The following GNG12 variants were observed in gnomAD, a reference collection of about 807,000 sequenced individuals.
GNG12 encodes the protein guanine nucleotide-binding protein G(I)/G(S)/G(O) subunit gamma-12.
For synonymous variants in GNG12, 28 were observed against 29.7 expected, an observed-to-expected ratio of 0.94 and a Z score of 0.19; for missense variants, 69 against 83.8, an observed-to-expected ratio of 0.82 and a Z score of 0.69.
intron 2 of GNG12, among the ~76,000 whole-genome samples, chr1:67,749,483 G>T (rs549250996): frequency 6.6e-6 from 1 of 152,328 alleles, no homozygotes; most frequent in Admixed American, 6.5e-5. Context: ...GAGGAGGAAT[G>T]TCATCCTTTC....
At chr1:67,779,166 G>A (rs1288301968) in intron 1 of GNG12, among the ~76,000 whole-genome samples, 2 of 152,126 alleles carry the variant, frequency 1.3e-5, no homozygotes, top group African/African-American at 4.8e-5. Context: ...GTCTCAGCAG[G>A]GGTAGGGAGT....
chr1:67,818,404 A>G (rs929039481), intron 1 of GNG12, among the ~76,000 whole-genome samples: 11 of 145,798 alleles, frequency 7.5e-5, no homozygotes, highest in African/African-American at 2.6e-4. Flanking sequence ...TCATGGGGAA[A>G]GACCAGGGGT....
At chr1:67,710,000 TTA>T (rs1175873397) in intron 2 of GNG12, among the ~76,000 whole-genome samples, 15 of 29,974 alleles carry the variant, frequency 5.0e-4, no homozygotes, top group African/African-American at 2.0e-3. Flanking sequence ...ATATATATAG[TTA>T]TATATATAGT....
chr1:67,726,051 G>A (rs1319122581), intron 2 of GNG12, among the ~76,000 whole-genome samples: 1 of 152,184 alleles, frequency 6.6e-6, no homozygotes, highest in Non-Finnish European at 1.5e-5. Context: ...AAGTGGAATG[G>A]AGTAGGAGGA....
At chr1:67,753,479 C>A (rs1460191642) in intron 2 of GNG12, among the ~76,000 whole-genome samples, 2 of 152,102 alleles carry the variant, frequency 1.3e-5, no homozygotes, top group Non-Finnish European at 2.9e-5. Context: ...ACAAGTCCTG[C>A]GACTGGAGGA....
rs769570783 is a variant in GNG12, at chr1:67,815,564, G to A, written c.-77+17780C>T. 2.6e-5 allele frequency among the ~76,000 whole-genome samples: 4 copies of A among 152,156 alleles called. No individual in the cohort carries two copies. In the East Asian group the frequency reaches 5.8e-4, roughly 22 times the overall value. On this transcript the variant is annotated intron_variant, in intron 1 of 3. Coordinates refer to ENST00000370982, the MANE Select transcript of GNG12 (RefSeq NM_018841.6). ...CTGTTACCCTGTGGGTTACTGTGTC[G>A]AAATGGAAGCGGTGACGTTCTTCCT...
chr1:67,750,524 A>T (rs929827269), intron 2 of GNG12, among the ~76,000 whole-genome samples: 36 of 152,190 alleles, frequency 2.4e-4, no homozygotes, highest in African/African-American at 8.4e-4. Flanking sequence ...TCACAGCGTA[A>T]TTCACCCAGC....
intron 1 of GNG12, among the ~76,000 whole-genome samples, chr1:67,828,542 A>G (rs376403032): frequency 2.1e-4 from 32 of 152,320 alleles, no homozygotes; most frequent in Admixed American, 5.2e-4. Context: ...GTATACGGGA[A>G]GAGTTTAGAA....
At chr1:67,825,257 G>C (rs1258469858) in intron 1 of GNG12, among the ~76,000 whole-genome samples, 1 of 152,192 alleles carries the variant, frequency 6.6e-6, no homozygotes, top group African/African-American at 2.4e-5. Flanking sequence ...GAGTATGTCT[G>C]AAGATAGCTG....
At chr1:67,785,601 A>G (rs1646763329) in intron 1 of GNG12, among the ~76,000 whole-genome samples, 1 of 152,200 alleles carries the variant, frequency 6.6e-6, no homozygotes, top group African/African-American at 2.4e-5. Flanking sequence ...GATGTTTTAC[A>G]GAGATATGGG....
At chr1:67,818,748 T>A (rs1269701467) in intron 1 of GNG12, among the ~76,000 whole-genome samples, 1 of 152,098 alleles carries the variant, frequency 6.6e-6, no homozygotes, top group African/African-American at 2.4e-5. Context: ...TCACTGAGGA[T>A]TTCTGTGTGG....
chr1:67,821,398 C>A (rs1357117773), intron 1 of GNG12, among the ~76,000 whole-genome samples: 1 of 152,094 alleles, frequency 6.6e-6, no homozygotes, highest in Non-Finnish European at 1.5e-5. Flanking sequence ...GTTGCTAGTT[C>A]TGATATGGGC....
At position 67,815,550 on chromosome 1, in the gene GNG12, T is replaced by G. The variant is rs553117859; in HGVS notation, c.-77+17794A>C. On this transcript the variant is annotated intron_variant, in intron 1 of 3. Transcript: ENST00000370982. The stretch of plus-strand genomic sequence containing the variant: ...CCCAGAGTGCTGTGCTGTTACCCTG[T>G]GGGTTACTGTGTCGAAATGGAAGCG... Among the ~76,000 whole-genome samples, 4 of 152,306 alleles carry G rather than the reference T, an allele frequency of 2.6e-5. 1 individual carries two copies. Among genetic ancestry groups the G allele is most frequent in the African/African-American group, 9.6e-5 (4 of 41,556 alleles).
At chr1:67,753,793 C>T (rs17130237) in intron 2 of GNG12, among the ~76,000 whole-genome samples, 15,297 of 152,126 alleles carry the variant, frequency 0.1, 881 homozygotes, top group African/African-American at 0.16. Context: ...GACTGGAAAA[C>T]GGGGAGCTAC....
intron 2 of GNG12, among the ~76,000 whole-genome samples, chr1:67,764,095 G>C (rs1478712288): frequency 6.6e-6 from 1 of 152,172 alleles, no homozygotes; most frequent in Non-Finnish European, 1.5e-5. Flanking sequence ...AATACTGAGT[G>C]TATATTCTGG....
intron 1 of GNG12, among the ~76,000 whole-genome samples, chr1:67,801,595 G>A (rs573916361): frequency 5.9e-5 from 9 of 152,294 alleles, no homozygotes; most frequent in East Asian, 1.9e-4. Flanking sequence ...TATACCCAGC[G>A]ATACCTGGGA....
At position 67,798,895 on chromosome 1, in the gene GNG12, A is replaced by G. The variant is rs74947193; in HGVS notation, c.-76-21388T>C. On this transcript the variant is annotated intron_variant, in intron 1 of 3. Coordinates refer to ENST00000370982, the MANE Select transcript of GNG12 (RefSeq NM_018841.6). ...CTTGAACCCGGGAGGTGGAGGTTGC[A>G]GTGAGCCGAGATCATGCCACTGCAC... Among the ~76,000 whole-genome samples the G allele has an allele frequency of 1.3e-3, 199 of 152,218 alleles. 1 individual carries two copies. In the East Asian group the frequency reaches 0.034, roughly 26 times the overall value.
intron 1 of GNG12, among the ~76,000 whole-genome samples, chr1:67,818,519 G>A (rs1231975931): frequency 7.4e-6 from 1 of 135,436 alleles, no homozygotes; most frequent in Non-Finnish European, 1.5e-5. Flanking sequence ...CAAAATACAA[G>A]TCCAGTTCCT....
chr1:67,783,325 T>C (rs1646747624), intron 1 of GNG12, among the ~76,000 whole-genome samples: 2 of 152,214 alleles, frequency 1.3e-5, no homozygotes, highest in Admixed American at 6.5e-5. Context: ...AGCTTTTTCA[T>C]TCTTTTATCT....
Sources: gnomAD v4.1 joint callset for allele counts (sites outside exome capture counted in the v4.1 genomes callset) on GRCh38, gnomAD v4.1.1 for gene constraint, MANE v1.5 for transcripts, NCBI Gene and HGNC (gene_info 2026-07-23, HGNC 2026-07-21) for gene names.